Variants in RXFP1 observed in about 807,000 individuals in gnomAD.
RXFP1 encodes the protein relaxin receptor 1.
A neutral mutation model predicts 89.8 loss-of-function variants in RXFP1; 73 were observed. That is an observed-to-expected ratio of 0.81 (90% CI 0.67 to 0.99). The LOEUF is 0.99. RXFP1 is among the 50% of genes least tolerant of loss of function. The probability of loss-of-function intolerance (pLI) is 0.00; values close to 1 mark genes in which losing one functional copy is unlikely to be tolerated. For missense variants in RXFP1, 793 were observed against 895.5 expected (o/e 0.89, Z 1.46); for synonymous variants, 277 against 305.5 (o/e 0.91, Z 0.97).
At chr4:158,575,657 G>T (rs1231945129) in intron 2 of RXFP1, among the ~76,000 whole-genome samples, 1 of 152,174 alleles carries the variant, frequency 6.6e-6, no homozygotes, top group Admixed American at 6.5e-5. Context: ...GAACCAGAAA[G>T]TGGGCCATCA....
At chr4:158,532,937 A>G (rs541427333) in intron 1 of RXFP1, among the ~76,000 whole-genome samples, 2 of 152,208 alleles carry the variant, frequency 1.3e-5, no homozygotes, top group Non-Finnish European at 2.9e-5. Context: ...CAGTCCCCCA[A>G]ATTCTCTTAG....
chr4:158,553,346 A>G (rs1029188104), intron 1 of RXFP1, among the ~76,000 whole-genome samples: 1 of 152,214 alleles, frequency 6.6e-6, no homozygotes, highest in Non-Finnish European at 1.5e-5. Flanking sequence ...GGGATACACA[A>G]CAGCATGTTT....
chr4:158,616,585 T>G (rs1339179653), intron 8 of RXFP1, among the ~76,000 whole-genome samples: 1 of 148,664 alleles, frequency 6.7e-6, no homozygotes, highest in Non-Finnish European at 1.5e-5. Flanking sequence ...TTACTAACAT[T>G]ACTGCTTTCC....
intron 3 of RXFP1, among the ~76,000 whole-genome samples, chr4:158,594,832 G>T (rs1490279115): frequency 3.3e-5 from 5 of 152,010 alleles, no homozygotes; most frequent in Non-Finnish European, 5.9e-5. Context: ...TTAATTCATG[G>T]TTTATTTTTA....
At chr4:158,568,298 TGAG>T (rs1435385500) in intron 1 of RXFP1, among the ~76,000 whole-genome samples, 2 of 152,142 alleles carry the variant, frequency 1.3e-5, no homozygotes, top group Non-Finnish European at 2.9e-5. Context: ...ATACAATCAT[TGAG>T]GAGCTATATC....
chr4:158,599,154 A>C (rs1293464020), intron 3 of RXFP1, 172 bp from the exon 4 acceptor site: 1 of 1,005,096 alleles, frequency 9.9e-7, no homozygotes, highest in Admixed American at 2.6e-5. Flanking sequence ...AGGTTAAATT[A>C]AAAGCAAACT....
intron 1 of RXFP1, among the ~76,000 whole-genome samples, chr4:158,523,795 G>A (rs1480008115): frequency 1.3e-5 from 2 of 152,192 alleles, no homozygotes; most frequent in African/African-American, 4.8e-5. Context: ...CCCCACCTAA[G>A]TGAGAATTTC....
intron 2 of RXFP1, among the ~76,000 whole-genome samples, chr4:158,586,188 A>G (rs1018907977): frequency 2.6e-5 from 4 of 152,254 alleles, no homozygotes; most frequent in Non-Finnish European, 5.9e-5. Context: ...TTATTTTAGC[A>G]TAAGAGAGAC....
rs531948780 is a variant in RXFP1, at chr4:158,550,534, C to T, written c.50-22164C>T. Among the ~76,000 whole-genome samples, 6 of 152,314 alleles carry T rather than the reference C, an allele frequency of 3.9e-5. No individual in the cohort carries two copies. The South Asian group carries it at 1.0e-3, about 26-fold the overall frequency. On this transcript the variant is annotated intron_variant, in intron 1 of 17. Transcript: ENST00000307765. ...TGGAAATGCAGAAATCACCCATCTT[C>T]TGCATTGCTCAGGCTGGGAGCTGTA...
intron 1 of RXFP1, among the ~76,000 whole-genome samples, chr4:158,542,778 G>A (rs1300941309): frequency 1.3e-5 from 2 of 151,362 alleles, no homozygotes; most frequent in African/African-American, 2.5e-5. Flanking sequence ...TTCCATAGTA[G>A]AGAGTCTGTA....
intron 1 of RXFP1, among the ~76,000 whole-genome samples, chr4:158,553,755 G>A (rs1750669043): frequency 6.6e-6 from 1 of 152,078 alleles, no homozygotes; most frequent in Admixed American, 6.6e-5. Flanking sequence ...CCTGCCTTGG[G>A]GGAAGAAGTG....
chr4:158,646,077 A>C (rs1433987744), intron 15 of RXFP1, among the ~76,000 whole-genome samples: 4 of 152,154 alleles, frequency 2.6e-5, no homozygotes, highest in Non-Finnish European at 5.9e-5. Flanking sequence ...CAAAAATCTC[A>C]CCCACTTTCT....
At chr4:158,605,339 C>G (rs990394590) in intron 5 of RXFP1, among the ~76,000 whole-genome samples, 200 bp downstream of exon 5, 3 of 152,104 alleles carry the variant, frequency 2.0e-5, no homozygotes, top group African/African-American at 7.2e-5. Context: ...CTAGAAAAAC[C>G]TCAGACACAT....
At chr4:158,582,367 A>G (rs939384839) in intron 2 of RXFP1, among the ~76,000 whole-genome samples, 1 of 152,006 alleles carries the variant, frequency 6.6e-6, no homozygotes, top group Non-Finnish European at 1.5e-5. Context: ...AGTTGAGCTC[A>G]GCAGTCTCTG....
chr4:158,578,577 T>A (rs1756708649), intron 2 of RXFP1, among the ~76,000 whole-genome samples: 1 of 152,166 alleles, frequency 6.6e-6, no homozygotes, highest in Non-Finnish European at 1.5e-5. Flanking sequence ...TCCTCTAGAT[T>A]TGTATTTAAA....
intron 11 of RXFP1, among the ~76,000 whole-genome samples, chr4:158,632,808 A>G (rs1348919111): frequency 6.6e-6 from 1 of 152,184 alleles, no homozygotes; most frequent in Non-Finnish European, 1.5e-5. Flanking sequence ...ATTCTAACAC[A>G]CAAAAAAAGA....
chr4:158,560,540 T>C (rs1752223452), intron 1 of RXFP1, among the ~76,000 whole-genome samples: 1 of 152,214 alleles, frequency 6.6e-6, no homozygotes, highest in Admixed American at 6.5e-5. Flanking sequence ...ATTCACTTTC[T>C]TGCAACAAAA....
intron 2 of RXFP1, among the ~76,000 whole-genome samples, chr4:158,583,954 A>G (rs945119619): frequency 6.6e-6 from 1 of 152,194 alleles, no homozygotes; most frequent in Non-Finnish European, 1.5e-5. Context: ...ATTAAATTCA[A>G]AGAAACTCCA....
rs778097117 is a variant in RXFP1, at chr4:158,612,153, C to A, written c.560C>A (p.Thr187Asn). 11 of 1,610,736 alleles carry A rather than the reference C, an allele frequency of 6.8e-6. No homozygotes were observed. The Admixed American group carries it at 1.7e-4, about 25-fold the overall frequency. The change falls in exon 7 of 18, where the codon ACC becomes AAC. Residue 187 changes from threonine (T) to asparagine (N), a missense_variant. Thr to Asn is a moderately conservative substitution (Grantham distance 65). Transcript: ENST00000307765. ...TKLYLSHNRITFLKPGVFEDL... is the reference protein window; with the variant it reads ...TKLYLSHNRINFLKPGVFEDL... ...AGGTATCTCAGTCATAACAGAATAA[C>A]CTTCCTGAAGCCGGGTGTTTTTGAA... is the stretch of plus-strand genomic sequence containing the variant.
Sources: gnomAD v4.1 joint callset for allele counts (sites outside exome capture counted in the v4.1 genomes callset) on GRCh38, gnomAD v4.1.1 for gene constraint, MANE v1.5 for transcripts, NCBI Gene and HGNC (gene_info 2026-07-23, HGNC 2026-07-21) for gene names.